PCIF1: variants seen among roughly 807,000 people sequenced by gnomAD.
The protein encoded by PCIF1 is phosphorylated CTD interacting factor 1.
PCIF1 carries 12 observed loss-of-function variants against 86.9 expected under a neutral mutation model. The ratio of observed to expected loss-of-function variants is 0.14; its 90% CI spans 0.09 to 0.22. The LOEUF is 0.22. Ranked by LOEUF, PCIF1 falls within the 10% of genes least tolerant of loss-of-function variation. The pLI is 1.00. For missense variants in PCIF1, 701 were observed against 951.1 expected (o/e 0.74, Z 3.46); for synonymous variants, 397 against 372.0 (o/e 1.07, Z -0.77).
intron 7 of PCIF1, among the ~76,000 whole-genome samples, chr20:45,942,138 G>A (rs2083476617): frequency 6.7e-6 from 1 of 150,296 alleles, no homozygotes; most frequent in Admixed American, 6.6e-5. Context: ...ACCACGCCCA[G>A]CTAATTTTTA....
chr20:45,945,766 G>A lies in PCIF1; in HGVS notation c.1224G>A (p.Arg408=), dbSNP rs746422773. The A allele has an allele frequency of 6.2e-7, 1 of 1,613,938 alleles. No homozygotes were observed. Among genetic ancestry groups the A allele is most frequent in the Non-Finnish European group, 8.5e-7 (1 of 1,180,022 alleles). Residue 408 remains arginine, a synonymous_variant, in exon 12 of 17, where the codon CGG becomes CGA. Coordinates refer to ENST00000372409, the MANE Select transcript of PCIF1 (RefSeq NM_022104.4). ...EPRLVYCYPV[R]LAVSAPPMPS... is the part of the protein sequence containing the mutation. The stretch of plus-strand genomic sequence containing the variant: ...GCCTAGTGTACTGCTACCCAGTCCG[G>A]CTGGCTGTGTCTGCACCGCCCATGC...
chr20:45,944,038 A>G (rs1452888210), intron 10 of PCIF1, among the ~76,000 whole-genome samples: 2 of 152,102 alleles, frequency 1.3e-5, no homozygotes, highest in Admixed American at 6.6e-5. Context: ...CTTTCAGCCT[A>G]ATGAATGTTC....
chr20:45,941,155 G>A lies in PCIF1; in HGVS notation c.621G>A (p.Gln207=), dbSNP rs1315013581. 2 of 1,614,030 alleles carry A rather than the reference G, an allele frequency of 1.2e-6. No individual in the cohort carries two copies. The highest frequency in any genetic ancestry group is 1.7e-6 in the Non-Finnish European group (2 of 1,180,024). ...CCGAAGTGGAACTGCTCCGCTCTCAGCTCATCCTGAAGCTTCGGCAGCACT... is the reference window on the plus strand; with the variant it reads ...CCGAAGTGGAACTGCTCCGCTCTCAACTCATCCTGAAGCTTCGGCAGCACT... The part of the protein sequence containing the change: ...PHPEVELLRS[Q]LILKLRQHYR... The change falls in exon 7 of 17, where the codon CAG becomes CAA. Residue 207 remains glutamine (Q), a synonymous_variant. Coordinates refer to ENST00000372409, the MANE Select transcript of PCIF1 (RefSeq NM_022104.4).
At position 45,941,118 on chromosome 20, in the gene PCIF1, T is replaced by C; in HGVS notation, c.584T>C (p.Leu195Pro). The change falls in exon 7 of 17, where the codon CTG becomes CCG. Residue 195 changes from leucine (L) to proline (P), a missense_variant. Leu to Pro is a moderately conservative substitution (Grantham distance 98). Transcript: ENST00000372409. ...AAGCACCGGGGGCCTTCAGAGGTGC[T>C]GCCCCCGCATCCCGAAGTGGAACTG... ...VIKHRGPSEV[L>P]PPHPEVELLR... 1.2e-6 allele frequency: 2 copies of C among 1,614,236 alleles called. No individual in the cohort carries two copies. The highest frequency in any genetic ancestry group is 8.5e-7 in the Non-Finnish European group (1 of 1,180,038).
Position 45,945,699 on chromosome 20 carries a change from C to T in PCIF1, c.1169-12C>T, listed in dbSNP as rs1375756858. On this transcript the variant is annotated splice_polypyrimidine_tract_variant and intron_variant, in intron 11 of 16. Transcript: ENST00000372409. ...GAGGAGTGTGGTCCCTCACTGCTCT[C>T]CCTGCCCACAGAGGAGGTGGAGGCC... 1.2e-6 allele frequency: 2 copies of T among 1,610,416 alleles called. No individual in the cohort carries two copies. Among genetic ancestry groups the T allele is most frequent in the Non-Finnish European group, 1.7e-6 (2 of 1,177,584 alleles).
Position 45,946,087 on chromosome 20 carries a change from G to T in PCIF1, c.1400G>T (p.Arg467Leu). 1 of 1,614,172 alleles carries T rather than the reference G, an allele frequency of 6.2e-7. No homozygotes were observed. Among genetic ancestry groups the T allele is most frequent in the Admixed American group, 1.7e-5 (1 of 60,028 alleles). ...DDSAFERFLP[R>L]VWCLLRRYQM... Reference sequence around the variant, plus strand: ...TCTGCCTTTGAGAGGTTCCTGCCCCGGGTCTGGTGTCTTCTCCGACGGTAC... The same window carrying T: ...TCTGCCTTTGAGAGGTTCCTGCCCCTGGTCTGGTGTCTTCTCCGACGGTAC... The change falls in exon 13 of 17, where the codon CGG (arginine) becomes CTG (leucine). Residue 467 changes from arginine (R) to leucine (L), a missense_variant. Physicochemically the swap from Arg to Leu is moderately radical, Grantham distance 102. This residue lies in a region of PCIF1 where 121 missense variants were observed against 131.7 expected (regional missense o/e 0.92). Transcript: ENST00000372409.
intron 7 of PCIF1, among the ~76,000 whole-genome samples, chr20:45,941,787 A>G (rs1359875829): frequency 4.6e-5 from 7 of 151,226 alleles, no homozygotes; most frequent in African/African-American, 7.3e-5. Flanking sequence ...GGATCTGGCT[A>G]TGTTGCCCAG....
At position 45,940,528 on chromosome 20, in the gene PCIF1, G is replaced by A. The variant is rs1283416721; in HGVS notation, c.303G>A (p.Val101=). 6.2e-7 allele frequency: 1 copy of A among 1,608,402 alleles called. No individual in the cohort carries two copies. Among genetic ancestry groups the A allele is most frequent in the African/African-American group, 1.3e-5 (1 of 74,828 alleles). The change falls in exon 5 of 17, where the codon GTG becomes GTA. Residue 101 remains valine, a synonymous_variant. Coordinates refer to ENST00000372409, the MANE Select transcript of PCIF1 (RefSeq NM_022104.4). ...ATPLPQDSSL[V]ETPPAENKPR... ...CACTGCCCCAAGACTCAAGCTTGGT[G>A]GAAACTCCCCCGGCTGAGAACAAGC... is the stretch of plus-strand genomic sequence containing the variant.
rs1290556089 is a variant in PCIF1 at position 45,940,792 on chromosome 20, T to G, written c.388-17T>G. The stretch of plus-strand genomic sequence containing the variant: ...GGTGAATCTCCTGACTTGACACCTT[T>G]GTGACTTTCACTACAGATTGAAATC... On this transcript the variant is annotated splice_polypyrimidine_tract_variant and intron_variant, in intron 5 of 16. Transcript: ENST00000372409. The G allele has an allele frequency of 5.0e-6, 8 of 1,611,590 alleles. No homozygotes were observed. Among genetic ancestry groups the G allele is most frequent in the Non-Finnish European group, 5.9e-6 (7 of 1,178,412 alleles).
In PCIF1 at chr20:45,947,813, G is replaced by T; in HGVS notation, c.*58G>T. The T allele has an allele frequency of 6.5e-7, 1 of 1,549,132 alleles. No individual in the cohort carries two copies. The highest frequency in any genetic ancestry group is 8.6e-7 in the Non-Finnish European group (1 of 1,161,552). ...GCTAGTCTGGACTGCTGGGACTCGGGCCCCTGGGGCCTCAGAGGGACCCCG... is the reference window on the plus strand; with the variant it reads ...GCTAGTCTGGACTGCTGGGACTCGGTCCCCTGGGGCCTCAGAGGGACCCCG... On this transcript the variant is annotated 3_prime_UTR_variant, in exon 17 of 17. Transcript: ENST00000372409. This position sits in a 1 kb window ranked among gnomAD's most constrained non-coding sequence, Gnocchi z 5.4.
At chr20:45,935,193 T>C (rs1600497231) in intron 1 of PCIF1, among the ~76,000 whole-genome samples, 1 of 144,698 alleles carries the variant, frequency 6.9e-6, no homozygotes, top group Non-Finnish European at 1.5e-5. Flanking sequence ...GAGGGGAAGG[T>C]GCGCGCGCGC....
rs2083494577 is a variant in PCIF1 at position 45,943,477 on chromosome 20, C to T, written c.905+54C>T. ...TGGGTCTGTGATTAAAGTGGCAGGTCATAGGCCATCTTGCCCAGTCTCATG... is the reference window on the plus strand; with the variant it reads ...TGGGTCTGTGATTAAAGTGGCAGGTTATAGGCCATCTTGCCCAGTCTCATG... On this transcript the variant is annotated intron_variant, in intron 9 of 16. Transcript: ENST00000372409. This position sits in a 1 kb window ranked among gnomAD's most constrained non-coding sequence, Gnocchi z 5.5. The T allele has an allele frequency of 6.5e-7, 1 of 1,545,120 alleles. No homozygotes were observed. The highest frequency in any genetic ancestry group is 8.9e-7 in the Non-Finnish European group (1 of 1,124,884).
At chr20:45,940,029 A>G (rs1282633886) in intron 4 of PCIF1, among the ~76,000 whole-genome samples, 4 of 152,130 alleles carry the variant, frequency 2.6e-5, no homozygotes, top group Non-Finnish European at 4.4e-5. Context: ...GGGCCACACT[A>G]CTCACCACCA....
chr20:45,935,958 A>G (rs2083422048), intron 1 of PCIF1, among the ~76,000 whole-genome samples: 2 of 152,132 alleles, frequency 1.3e-5, no homozygotes, highest in Non-Finnish European at 2.9e-5. Flanking sequence ...TACCCGGTGC[A>G]TCAATATCAC....
At position 45,943,439 on chromosome 20, in the gene PCIF1, G is replaced by A. The variant is rs769740499; in HGVS notation, c.905+16G>A. 3.1e-6 allele frequency: 5 copies of A among 1,609,330 alleles called. No homozygotes were observed. Among genetic ancestry groups the A allele is most frequent in the Non-Finnish European group, 4.2e-6 (5 of 1,177,532 alleles). On this transcript the variant is annotated intron_variant, in intron 9 of 16. Transcript: ENST00000372409. The surrounding 1 kb of genome is among the most constrained non-coding windows in gnomAD (Gnocchi z 5.5). ...TCGAGTCCAGGTTTGCCTGTCTTCT[G>A]CCCCAGGCGAGATGGGTCTGTGATT...
At position 45,943,255 on chromosome 20, in the gene PCIF1, A is replaced by G. The variant is rs75941048; in HGVS notation, c.821+11A>G. The G allele has an allele frequency of 3.3e-4, 533 of 1,614,112 alleles. No individual in the cohort carries two copies. Among genetic ancestry groups the G allele is most frequent in the Non-Finnish European group, 4.4e-4 (524 of 1,179,966 alleles). On this transcript the variant is annotated intron_variant, in intron 8 of 16. Transcript: ENST00000372409. This position sits in a 1 kb window ranked among gnomAD's most constrained non-coding sequence, Gnocchi z 5.5. Reference sequence around the variant, plus strand: ...CGACATTCCTATCAGGTACAGCTCCACAGCTGGGGATGACCCTGGGCCATT... The same window carrying G: ...CGACATTCCTATCAGGTACAGCTCCGCAGCTGGGGATGACCCTGGGCCATT...
Position 45,938,935 on chromosome 20 carries a change from C to T in PCIF1, c.-19-46C>T, listed in dbSNP as rs141699201. 6,637 of 1,597,910 alleles carry T rather than the reference C, an allele frequency of 4.2e-3. 25 individuals carry two copies. Among genetic ancestry groups the T allele is most frequent in the Non-Finnish European group, 4.6e-3 (5,361 of 1,172,224 alleles). Reference sequence around the variant, plus strand: ...GGGGCCCTGGGTGGATTGTAATTGGCGGGTGAGGGGGTGGAGCTGACACTC... The same window carrying T: ...GGGGCCCTGGGTGGATTGTAATTGGTGGGTGAGGGGGTGGAGCTGACACTC... On this transcript the variant is annotated intron_variant, in intron 2 of 16. Transcript: ENST00000372409.
intron 7 of PCIF1, among the ~76,000 whole-genome samples, chr20:45,942,384 G>A (rs1457874020): frequency 6.7e-6 from 1 of 148,150 alleles, no homozygotes; most frequent in South Asian, 2.1e-4. Flanking sequence ...GCACGGTCTC[G>A]GCTCACTGCA....
chr20:45,935,208 G>C (rs966647041), intron 1 of PCIF1, among the ~76,000 whole-genome samples: 10 of 151,072 alleles, frequency 6.6e-5, no homozygotes, highest in African/African-American at 2.4e-4. Context: ...GCGCGCGCGC[G>C]CGCTGGAGCT....
Sources: allele counts gnomAD v4.1 joint callset (sites outside exome capture counted in the v4.1 genomes callset), GRCh38; gene constraint gnomAD v4.1.1; regional missense constraint gnomAD v4.1.1; non-coding constraint Gnocchi (gnomAD v3.1); transcripts MANE v1.5; gene names NCBI Gene and HGNC (gene_info 2026-07-23, HGNC 2026-07-21).